SATB1: variants seen among roughly 807,000 people sequenced by gnomAD.
SATB1 encodes the protein DNA-binding protein SATB1.
In SATB1, 11 loss-of-function variants were observed where a neutral mutation model predicts 86.9. The ratio of observed to expected loss-of-function variants is 0.13; its 90% CI spans 0.08 to 0.21. SATB1 has a LOEUF of 0.21. Ranked by LOEUF, SATB1 falls within the 10% of genes least tolerant of loss-of-function variation. The pLI is 1.00. For synonymous variants in SATB1, 357 were observed against 357.2 expected (o/e 1.00, Z 0.01); for missense variants, 551 against 937.6 (o/e 0.59, Z 5.39).
chr3:18,415,371 C>A, intron 4 of SATB1, 137 bp from the exon 5 acceptor site: 1 of 952,472 alleles, frequency 1.0e-6, no homozygotes. Flanking sequence ...CCTGATTGTT[C>A]CGATTAGTTA....
intron 5 of SATB1, among the ~76,000 whole-genome samples, chr3:18,400,033 T>C (rs1697171821): frequency 6.6e-6 from 1 of 152,146 alleles, no homozygotes; most frequent in South Asian, 2.1e-4. Flanking sequence ...TGCAGAATTT[T>C]GTGGTGCACA....
At chr3:18,409,142 T>C (rs1376005052) in intron 5 of SATB1, 1 of 152,044 alleles carries the variant, frequency 6.6e-6, no homozygotes, top group Non-Finnish European at 1.5e-5. Context: ...ACTCTCTAAA[T>C]TGGCATAGCT....
intron 2 of SATB1, among the ~76,000 whole-genome samples, chr3:18,419,191 CCTT>C (rs1268487859): frequency 3.9e-5 from 6 of 152,136 alleles, no homozygotes; most frequent in African/African-American, 1.4e-4. Flanking sequence ...TAATTACAGA[CCTT>C]CTAGCAAACT....
chr3:18,394,885 C>T lies in SATB1; in HGVS notation c.783G>A (p.Gln261=). The part of the protein sequence containing the change: ...VEMDSLSELS[Q]QGANHVNFGQ... ...CAAAATTGACATGATTGGCGCCTTG[C>T]TGGGATAGCTCAGAAAGACTATCCA... Residue 261 remains glutamine, a synonymous_variant, in exon 7 of 11, where the codon CAG becomes CAA. Coordinates refer to ENST00000338745, the MANE Select transcript of SATB1 (RefSeq NM_002971.6). This position sits in a 1 kb window ranked among gnomAD's most constrained non-coding sequence, Gnocchi z 5.9. 6.2e-7 allele frequency: 1 copy of T among 1,607,368 alleles called. No individual in the cohort carries two copies.
chr3:18,403,941 C>T (rs896005361), intron 5 of SATB1, among the ~76,000 whole-genome samples: 6 of 152,016 alleles, frequency 3.9e-5, no homozygotes, highest in African/African-American at 1.2e-4. Context: ...TGATTTTTTA[C>T]AGCAGCTTTT....
intron 1 of SATB1, among the ~76,000 whole-genome samples, chr3:18,422,732 A>T (rs1698454059): frequency 6.6e-6 from 1 of 152,236 alleles, no homozygotes; most frequent in Non-Finnish European, 1.5e-5. Flanking sequence ...ATTTTAAAAC[A>T]TATGATTTGA....
In SATB1 at chr3:18,397,303, G is replaced by A. The variant is rs1697014543; in HGVS notation, c.640-13C>T. On this transcript the variant is annotated splice_polypyrimidine_tract_variant and intron_variant, in intron 5 of 10. Coordinates refer to ENST00000338745, the MANE Select transcript of SATB1 (RefSeq NM_002971.6). The stretch of plus-strand genomic sequence containing the variant: ...AAGAAATCATACTCTGCATGAAGAA[G>A]GGGGGAGAATATTTGTAATACACAG... 1.4e-6 allele frequency: 2 copies of A among 1,400,616 alleles called. No individual in the cohort carries two copies. The highest frequency in any genetic ancestry group is 1.4e-5 in the African/African-American group (1 of 70,798). The allele number at this position is 1,400,616 out of a possible 1,614,324, so 86.8% of individuals were successfully genotyped here. A position where few individuals can be genotyped will look rare whatever the true frequency, so the allele number is the denominator to read the frequency against.
chr3:18,349,872 AG>A lies in SATB1; in HGVS notation c.1780-191del. ...ACAAAAAAATCAAAATGATATGACT[AG>A]GAAGGGATGAATTAAGACAGCTTTG... On this transcript the variant is annotated intron_variant, in intron 10 of 10. Coordinates refer to ENST00000338745, the MANE Select transcript of SATB1 (RefSeq NM_002971.6). The surrounding 1 kb of genome is among the most constrained non-coding windows in gnomAD (Gnocchi z 5.5). 9.9e-7 allele frequency: 1 copy of A among 1,014,668 alleles called. No homozygotes were observed. Among genetic ancestry groups the A allele is most frequent in the Non-Finnish European group, 1.4e-6 (1 of 722,510 alleles). 62.9% of individuals were successfully genotyped at this position (1,014,668 alleles called of 1,614,324 possible).
At chr3:18,412,041 G>A (rs1378968431) in intron 5 of SATB1, among the ~76,000 whole-genome samples, 3 of 151,536 alleles carry the variant, frequency 2.0e-5, no homozygotes, top group South Asian at 4.2e-4. Context: ...GTGCTATCTC[G>A]GCTAACTGCA....
chr3:18,365,819 A>G (rs1695156606), intron 9 of SATB1, among the ~76,000 whole-genome samples: 1 of 152,212 alleles, frequency 6.6e-6, no homozygotes, highest in African/African-American at 2.4e-5. Context: ...AGTCTCTTTA[A>G]TCAAAATACT....
chr3:18,425,846 C>A (rs1320628068), upstream of SATB1, among the ~76,000 whole-genome samples: 2 of 84,414 alleles, frequency 2.4e-5, no homozygotes, highest in African/African-American at 9.9e-5. Context: ...GCAGGACGGG[C>A]ACGGGGGGCG....
At chr3:18,358,273 A>G (rs1694750929) in intron 9 of SATB1, among the ~76,000 whole-genome samples, 1 of 152,006 alleles carries the variant, frequency 6.6e-6, no homozygotes, top group Admixed American at 6.6e-5. Context: ...ACTTGTCTTA[A>G]GATATTGTTC....
intron 8 of SATB1, among the ~76,000 whole-genome samples, chr3:18,382,713 T>G (rs1348166164): frequency 6.6e-6 from 1 of 152,200 alleles, no homozygotes; most frequent in Non-Finnish European, 1.5e-5. Flanking sequence ...ACTGGATAAT[T>G]TGTCAAACAA....
intron 7 of SATB1, among the ~76,000 whole-genome samples, chr3:18,391,120 A>G (rs1019109947): frequency 3.9e-5 from 6 of 151,922 alleles, no homozygotes; most frequent in Non-Finnish European, 7.4e-5. Flanking sequence ...GGTAGGCTTA[A>G]AAAAAAACCC....
At chr3:18,430,688 GTGA>G (rs1698860745) in intron 2 of SATB1, among the ~76,000 whole-genome samples, 1 of 152,244 alleles carries the variant, frequency 6.6e-6, no homozygotes, top group South Asian at 2.1e-4. Context: ...AGTTAAAGGA[GTGA>G]TGATAATGAA....
intron 9 of SATB1, among the ~76,000 whole-genome samples, chr3:18,377,501 G>A (rs566417410): frequency 2.6e-5 from 4 of 152,200 alleles, no homozygotes; most frequent in South Asian, 4.1e-4. Flanking sequence ...AAGACTATAC[G>A]ACCTATCCTT....
intron 2 of SATB1, 180 bp from the exon 3 acceptor site, chr3:18,417,258 T>C (rs979016717): frequency 2.2e-5 from 13 of 597,100 alleles, no homozygotes; most frequent in Middle Eastern, 4.4e-4. Flanking sequence ...TCTCATATTA[T>C]TTAAAGTCGT....
chr3:18,417,771 C>G (rs888337993), intron 2 of SATB1: 3 of 659,354 alleles, frequency 4.5e-6, no homozygotes, highest in Non-Finnish European at 8.1e-6. Flanking sequence ...AAAGAGAGCA[C>G]GGTACCCATA....
chr3:18,353,305 G>T (rs1393934039), intron 9 of SATB1, among the ~76,000 whole-genome samples: 8 of 152,122 alleles, frequency 5.3e-5, no homozygotes, highest in Non-Finnish European at 8.8e-5. Flanking sequence ...TCTAGAGACA[G>T]TCATCCCCAT....
Sources: gnomAD v4.1 joint callset for allele counts (sites outside exome capture counted in the v4.1 genomes callset) on GRCh38, gnomAD v4.1.1 for gene constraint, Gnocchi (gnomAD v3.1) non-coding constraint, MANE v1.5 for transcripts, NCBI Gene and HGNC (gene_info 2026-07-23, HGNC 2026-07-21) for gene names.